Variants in KLRG1 observed in about 807,000 individuals in gnomAD.
The protein encoded by KLRG1 is killer cell lectin like receptor G1, also known as killer cell lectin-like receptor subfamily G member 1.
In KLRG1, 16 loss-of-function variants were observed where a neutral mutation model predicts 21.8. The observed-to-expected ratio is 0.73, with a 90% CI of 0.50 to 1.11. The LOEUF (loss-of-function observed/expected upper bound fraction) is 1.11, where lower values mean the gene tolerates loss of function less well. Ranked by LOEUF, KLRG1 falls within the 50% of genes most tolerant of loss-of-function variation. KLRG1 has a pLI of 0.00. For synonymous variants in KLRG1, 69 were observed against 75.9 expected, an observed-to-expected ratio of 0.91 and a Z score of 0.47; for missense variants, 173 against 218.3, an observed-to-expected ratio of 0.79 and a Z score of 1.31.
chr12:9,038,333 AG>A, the KLRG1 span, among the ~76,000 whole-genome samples: 5 of 152,286 alleles, frequency 3.3e-5, no homozygotes, highest in African/African-American at 1.2e-4. Flanking sequence ...GGGACTCTCT[AG>A]CAGAAGCCAA....
the KLRG1 span, chr12:9,161,251 AT>A: frequency 3.0e-6 from 2 of 661,938 alleles, no homozygotes; most frequent in Admixed American, 6.8e-5. Context: ...CCTTGGGTAA[AT>A]TGTGATGATT....
chr12:9,072,044 A>T, the KLRG1 span, among the ~76,000 whole-genome samples: 3,057 of 152,264 alleles, frequency 0.02, 97 homozygotes, highest in African/African-American at 0.068. Context: ...CTTCATCTCT[A>T]TCTTCAATAA....
At chr12:8,969,650 A>G (rs927169341) in intron 1 of KLRG1, among the ~76,000 whole-genome samples, 2 of 152,238 alleles carry the variant, frequency 1.3e-5, no homozygotes, top group African/African-American at 4.8e-5. Context: ...GGCACAAGAC[A>G]TCAATGGAAT....
chr12:9,060,314 A>G, the KLRG1 span, among the ~76,000 whole-genome samples: 38 of 150,084 alleles, frequency 2.5e-4, no homozygotes, highest in East Asian at 7.2e-3. Flanking sequence ...GAGCCATCGC[A>G]CCCGGCCCCA....
chr12:9,074,444 C>T, the KLRG1 span: 2 of 1,029,860 alleles, frequency 1.9e-6, no homozygotes, highest in Non-Finnish European at 2.8e-6. Flanking sequence ...GAAAACTTTT[C>T]CTCATTTCAA....
chr12:9,114,429 T>G, the KLRG1 span, among the ~76,000 whole-genome samples: 1 of 152,202 alleles, frequency 6.6e-6, no homozygotes, highest in Non-Finnish European at 1.5e-5. Flanking sequence ...ATATTTTAAA[T>G]TAATACTTAG....
the KLRG1 span, among the ~76,000 whole-genome samples, chr12:9,059,996 CTTTTTTTTT>C: frequency 1.3e-3 from 97 of 75,568 alleles, 1 homozygote; most frequent in African/African-American, 4.9e-3. Flanking sequence ...GCCCTGGCAT[CTTTTTTTTT>C]TTTTTTTTTT....
upstream of KLRG1, among the ~76,000 whole-genome samples, chr12:8,986,229 C>G (rs1481551808): frequency 1.3e-5 from 2 of 152,152 alleles, no homozygotes; most frequent in African/African-American, 4.8e-5. Flanking sequence ...ACGCAGTGAA[C>G]CCTGTTCATG....
chr12:8,971,531 G>A (rs1946567178), intron 1 of KLRG1, among the ~76,000 whole-genome samples: 1 of 151,846 alleles, frequency 6.6e-6, no homozygotes, highest in Admixed American at 6.6e-5. Context: ...TGTTGCCCAG[G>A]CTGGAGTGCA....
chr12:9,173,899 A>C, the KLRG1 span, among the ~76,000 whole-genome samples: 96 of 152,220 alleles, frequency 6.3e-4, 1 homozygote, highest in Admixed American at 4.8e-3. Context: ...TACCATAGGT[A>C]CAAAGAAGAG....
At chr12:9,107,454 A>G in the KLRG1 span, 3 of 1,569,146 alleles carry the variant, frequency 1.9e-6, no homozygotes, top group Non-Finnish European at 2.6e-6. Flanking sequence ...CGTCAGAAAA[A>G]TGCTGCAACT....
At chr12:8,962,962 C>G (rs1231876557) in intron 1 of KLRG1, among the ~76,000 whole-genome samples, 1 of 151,938 alleles carries the variant, frequency 6.6e-6, no homozygotes, top group Non-Finnish European at 1.5e-5. Flanking sequence ...AGATTTTAGG[C>G]AGAAGAAACA....
the KLRG1 span, among the ~76,000 whole-genome samples, chr12:9,176,868 G>A: frequency 6.6e-6 from 1 of 152,154 alleles, no homozygotes; most frequent in African/African-American, 2.4e-5. Flanking sequence ...CAATGTCTTT[G>A]TATCTAGAGG....
chr12:8,964,953 G>A (rs959002738), intron 1 of KLRG1, among the ~76,000 whole-genome samples: 5 of 151,898 alleles, frequency 3.3e-5, no homozygotes, highest in Admixed American at 6.6e-5. Context: ...ATGGGTTTCC[G>A]GAATACAGCA....
At chr12:9,114,735 AT>A in the KLRG1 span, among the ~76,000 whole-genome samples, 1 of 32,598 alleles carries the variant, frequency 3.1e-5, no homozygotes, top group African/African-American at 4.3e-4. Context: ...ATATACATAA[AT>A]ACATATATAT....
intron 4 of KLRG1, 56 bp from the exon 5 acceptor site, chr12:9,009,370 C>T: frequency 1.2e-6 from 2 of 1,600,950 alleles, no homozygotes; most frequent in Non-Finnish European, 1.7e-6. Flanking sequence ...TCATGCCTTT[C>T]AACTCCTTTT....
At chr12:9,081,487 C>T in the KLRG1 span, among the ~76,000 whole-genome samples, 1 of 152,206 alleles carries the variant, frequency 6.6e-6, no homozygotes. Flanking sequence ...CCTCCCTCCA[C>T]AGAAAGTCCA....
the KLRG1 span, chr12:9,077,322 G>T: frequency 1.0e-5 from 16 of 1,599,076 alleles, no homozygotes; most frequent in Non-Finnish European, 1.4e-5. Flanking sequence ...CTCTCCTTCA[G>T]CAGAGGAATG....
the KLRG1 span, among the ~76,000 whole-genome samples, chr12:9,087,892 A>G: frequency 1.3e-5 from 2 of 152,246 alleles, no homozygotes; most frequent in Middle Eastern, 3.4e-3. Flanking sequence ...GTACTTGCAT[A>G]TGTTCATTAA....
Sources: allele counts gnomAD v4.1 joint callset (sites outside exome capture counted in the v4.1 genomes callset), GRCh38; gene constraint gnomAD v4.1.1; transcripts MANE v1.5; gene names NCBI Gene and HGNC (gene_info 2026-07-23, HGNC 2026-07-21).